Variants in KLHL9 observed in about 807,000 individuals in gnomAD.
KLHL9 encodes the protein kelch like family member 9.
Under a neutral mutation model 42.3 loss-of-function variants are expected in KLHL9, and 27 were observed. The observed-to-expected ratio is 0.64, with a 90% CI of 0.47 to 0.88. The LOEUF (loss-of-function observed/expected upper bound fraction) is 0.88, where lower values mean the gene tolerates loss of function less well. KLHL9 is among the 40% of genes least tolerant of loss of function. The probability of loss-of-function intolerance (pLI) is 0.00; values close to 1 mark genes in which losing one functional copy is unlikely to be tolerated. For missense variants in KLHL9, 629 were observed against 750.3 expected (o/e 0.84, Z 1.89); for synonymous variants, 274 against 254.4 (o/e 1.08, Z -0.73).
At position 21,329,667 on chromosome 9, in the gene KLHL9, G is replaced by C. The variant is rs553379479; in HGVS notation, c.*3339C>G. The stretch of plus-strand genomic sequence containing the variant: ...AAAATAAGAGAAAGTCATGATAATA[G>C]GAGTCTTTGGAAGGTGGATTTATTT... On this transcript the variant is annotated 3_prime_UTR_variant, in exon 1 of 1. Coordinates refer to ENST00000359039, the MANE Select transcript of KLHL9 (RefSeq NM_018847.4). 6.6e-6 allele frequency: 1 copy of C among 151,822 alleles called. No individual in the cohort carries two copies. Among genetic ancestry groups the C allele is most frequent in the South Asian group, 2.1e-4 (1 of 4,824 alleles). 9.4% of individuals were successfully genotyped at this position (151,822 alleles called of 1,614,324 possible). A position where few individuals can be genotyped will look rare whatever the true frequency, so the allele number is the denominator to read the frequency against.
chr9:21,335,318 AGGCCTG>A lies in KLHL9; in HGVS notation c.-465_-460del, dbSNP rs1820251943. On this transcript the variant is annotated 5_prime_UTR_variant, in exon 1 of 1. Transcript: ENST00000359039. ...GTCTTTGAGCAAGGGCCGGGAACAC[AGGCCTG>A]GGCCTGGGCTTGGGCCTAGAATACC... 2.3e-6 allele frequency: 1 copy of A among 433,190 alleles called. No individual in the cohort carries two copies. Among genetic ancestry groups the A allele is most frequent in the African/African-American group, 2.0e-5 (1 of 49,024 alleles). 26.8% of individuals were successfully genotyped at this position (433,190 alleles called of 1,614,324 possible). A position where few individuals can be genotyped will look rare whatever the true frequency, so the allele number is the denominator to read the frequency against.
In KLHL9 at chr9:21,331,833, A is replaced by G. The variant is rs1820176183; in HGVS notation, c.*1173T>C. The G allele has an allele frequency of 6.6e-6, 1 of 152,582 alleles. No homozygotes were observed. The highest frequency in any genetic ancestry group is 2.4e-5 in the African/African-American group (1 of 41,438). 9.5% of individuals were successfully genotyped at this position (152,582 alleles called of 1,614,324 possible). A position where few individuals can be genotyped will look rare whatever the true frequency, so the allele number is the denominator to read the frequency against. On this transcript the variant is annotated 3_prime_UTR_variant, in exon 1 of 1. Transcript: ENST00000359039. ...CTCACTTGATGCAGAAGAAAATGTT[A>G]TCTCCTGCTTGCTCAGATCATAGCC...
Position 21,332,405 on chromosome 9 carries a change from T to C in KLHL9, c.*601A>G, listed in dbSNP as rs1236057981. 6.5e-6 allele frequency: 1 copy of C among 154,352 alleles called. No individual in the cohort carries two copies. Among genetic ancestry groups the C allele is most frequent in the Admixed American group, 6.4e-5 (1 of 15,684 alleles). 9.6% of individuals were successfully genotyped at this position (154,352 alleles called of 1,614,324 possible). On this transcript the variant is annotated 3_prime_UTR_variant, in exon 1 of 1. Coordinates refer to ENST00000359039, the MANE Select transcript of KLHL9 (RefSeq NM_018847.4). ...ACATATGTATGTATGTGTGCATGCA[T>C]GTATGTTTGTATTATGTGTATTTTT...
At position 21,334,101 on chromosome 9, in the gene KLHL9, G is replaced by GT; in HGVS notation, c.758dup (p.Tyr253Ter). 6.2e-7 allele frequency: 1 copy of GT among 1,614,148 alleles called. No homozygotes were observed. Among genetic ancestry groups the GT allele is most frequent in the Non-Finnish European group, 8.5e-7 (1 of 1,179,992 alleles). The change falls in exon 1 of 1, where the codon TAC becomes TAAC. Residue 253 changes from tyrosine to a stop codon, truncating the protein, a stop_gained and frameshift_variant. Coordinates refer to ENST00000359039, the MANE Select transcript of KLHL9 (RefSeq NM_018847.4). LOFTEE classifies it high-confidence loss of function. This position sits in a 1 kb window ranked among gnomAD's most constrained non-coding sequence, Gnocchi z 5.1. The part of the protein sequence containing the change: ...PLMTPQDLIN[Y>*]VQTVDFMRTD... ...TTCTCATGAAATCTACTGTCTGCAC[G>GT]TAATTGATGAGATCCTGTGGTGTCA...
In KLHL9 at chr9:21,334,740, A is replaced by G; in HGVS notation, c.120T>C (p.Phe40=). ...GCAATCCTTCTATTCTAAGCTGATC[A>G]AAGCCTTGCAATACCACCGAACTGT... ...NTHSSVVLQG[F]DQLRIEGLLC... is the part of the protein sequence containing the mutation. The change falls in exon 1 of 1, where the codon TTT becomes TTC. Residue 40 remains phenylalanine, a synonymous_variant. Transcript: ENST00000359039. The surrounding 1 kb of genome is among the most constrained non-coding windows in gnomAD (Gnocchi z 5.1). 6.2e-7 allele frequency: 1 copy of G among 1,612,826 alleles called. No homozygotes were observed. Among genetic ancestry groups the G allele is most frequent in the Non-Finnish European group, 8.5e-7 (1 of 1,179,150 alleles).
rs1320526546 is a variant in KLHL9 at position 21,332,003 on chromosome 9, C to T, written c.*1003G>A. The T allele has an allele frequency of 1.3e-5, 2 of 152,324 alleles. No homozygotes were observed. The highest frequency in any genetic ancestry group is 4.8e-5 in the African/African-American group (2 of 41,404). 9.4% of individuals were successfully genotyped at this position (152,324 alleles called of 1,614,324 possible). On this transcript the variant is annotated 3_prime_UTR_variant, in exon 1 of 1. Coordinates refer to ENST00000359039, the MANE Select transcript of KLHL9 (RefSeq NM_018847.4). Reference sequence around the variant, plus strand: ...ATAGCTTTGTTCAGAATATTTTTTTCTTTGCTTTTTTCATTAAGTTTTACT... The same window carrying T: ...ATAGCTTTGTTCAGAATATTTTTTTTTTTGCTTTTTTCATTAAGTTTTACT...
Position 21,335,348 on chromosome 9 carries a change from C to A in KLHL9, c.-489G>T. On this transcript the variant is annotated 5_prime_UTR_variant, in exon 1 of 1. Coordinates refer to ENST00000359039, the MANE Select transcript of KLHL9 (RefSeq NM_018847.4). ...TGGGCCTGGGCTTGGGCCTAGAATA[C>A]CGGCCTAGCCCCAACACCGAGCCGC... is the stretch of plus-strand genomic sequence containing the variant. The A allele has an allele frequency of 1.2e-5, 5 of 419,904 alleles. No homozygotes were observed. The highest frequency in any genetic ancestry group is 1.7e-5 in the Non-Finnish European group (4 of 229,636). The allele number at this position is 419,904 out of a possible 1,614,324, so 26.0% of individuals were successfully genotyped here. A position where few individuals can be genotyped will look rare whatever the true frequency, so the allele number is the denominator to read the frequency against.
rs200657430 is a variant in KLHL9, at chr9:21,333,804, A to T, written c.1056T>A (p.Val352=). The stretch of plus-strand genomic sequence containing the variant: ...TTGTATCATAATTACTCTGACCACC[A>T]ACTACATAAAGAAAGTTTCCAATGA... ...IAVIGNFLYV[V]GGQSNYDTKG... The change falls in exon 1 of 1, where the codon GTT becomes GTA. Residue 352 remains valine, a synonymous_variant. Transcript: ENST00000359039. The surrounding 1 kb of genome is among the most constrained non-coding windows in gnomAD (Gnocchi z 7.5). The T allele has an allele frequency of 9.3e-6, 15 of 1,614,048 alleles. No homozygotes were observed. The highest frequency in any genetic ancestry group is 1.7e-5 in the Admixed American group (1 of 60,020).
In KLHL9 at chr9:21,335,396, C is replaced by T; in HGVS notation, c.-537G>A. The T allele has an allele frequency of 2.7e-6, 1 of 370,792 alleles. No homozygotes were observed. Among genetic ancestry groups the T allele is most frequent in the Non-Finnish European group, 5.0e-6 (1 of 199,406 alleles). 23.0% of individuals were successfully genotyped at this position (370,792 alleles called of 1,614,324 possible). Reference sequence around the variant, plus strand: ...CGCTCCTTCCGGAAAAGCCTAGTCCCAGGATACCACGGGGTGGGAGCGGCC... The same window carrying T: ...CGCTCCTTCCGGAAAAGCCTAGTCCTAGGATACCACGGGGTGGGAGCGGCC... On this transcript the variant is annotated 5_prime_UTR_variant, in exon 1 of 1. Coordinates refer to ENST00000359039, the MANE Select transcript of KLHL9 (RefSeq NM_018847.4).
rs995659198 is a variant in KLHL9 at position 21,335,373 on chromosome 9, C to T, written c.-514G>A. 4.8e-6 allele frequency: 2 copies of T among 412,648 alleles called. No individual in the cohort carries two copies. The highest frequency in any genetic ancestry group is 4.1e-5 in the African/African-American group (2 of 48,606). 25.6% of individuals were successfully genotyped at this position (412,648 alleles called of 1,614,324 possible). A position where few individuals can be genotyped will look rare whatever the true frequency, so the allele number is the denominator to read the frequency against. ...CCGGCCTAGCCCCAACACCGAGCCGCTCCTTCCGGAAAAGCCTAGTCCCAG... is the reference window on the plus strand; with the variant it reads ...CCGGCCTAGCCCCAACACCGAGCCGTTCCTTCCGGAAAAGCCTAGTCCCAG... On this transcript the variant is annotated 5_prime_UTR_variant, in exon 1 of 1. Coordinates refer to ENST00000359039, the MANE Select transcript of KLHL9 (RefSeq NM_018847.4).
Position 21,333,569 on chromosome 9 carries a change from T to A in KLHL9, c.1291A>T (p.Lys431Ter). The change falls in exon 1 of 1, where the codon AAA (lysine) becomes TAA (stop). Residue 431 changes from lysine (K) to a stop codon, truncating the protein, a stop_gained. Transcript: ENST00000359039. LOFTEE classifies it high-confidence loss of function. This position sits in a 1 kb window ranked among gnomAD's most constrained non-coding sequence, Gnocchi z 7.5. ...TGACCATAGTGGGGTTCACTCATTT[T>A]TGCAACATAGCTCCACTCATTCATT... is the stretch of plus-strand genomic sequence containing the variant. ...PRMNEWSYVA[K>*]MSEPHYGHAG... 6.2e-7 allele frequency: 1 copy of A among 1,614,224 alleles called. No homozygotes were observed. Among genetic ancestry groups the A allele is most frequent in the Non-Finnish European group, 8.5e-7 (1 of 1,180,052 alleles).
chr9:21,334,081 A>C lies in KLHL9; in HGVS notation c.779T>G (p.Met260Arg). Residue 260 changes from methionine (M) to arginine (R), a missense_variant, in exon 1 of 1, where the codon ATG becomes AGG. Coordinates refer to ENST00000359039, the MANE Select transcript of KLHL9 (RefSeq NM_018847.4). The surrounding 1 kb of genome is among the most constrained non-coding windows in gnomAD (Gnocchi z 5.1). ...ATTCACGCAGGTATTGTCTGTTCTC[A>C]TGAAATCTACTGTCTGCACGTAATT... ...LINYVQTVDF[M>R]RTDNTCVNLL... The C allele has an allele frequency of 6.2e-7, 1 of 1,614,162 alleles. No homozygotes were observed. The highest frequency in any genetic ancestry group is 8.5e-7 in the Non-Finnish European group (1 of 1,180,020).
rs1428515343 is a variant in KLHL9 at position 21,330,872 on chromosome 9, C to A, written c.*2134G>T. 1 of 151,412 alleles carries A rather than the reference C, an allele frequency of 6.6e-6. No individual in the cohort carries two copies. The highest frequency in any genetic ancestry group is 2.4e-5 in the African/African-American group (1 of 41,060). The allele number at this position is 151,412 out of a possible 1,614,324, so 9.4% of individuals were successfully genotyped here. On this transcript the variant is annotated 3_prime_UTR_variant, in exon 1 of 1. Coordinates refer to ENST00000359039, the MANE Select transcript of KLHL9 (RefSeq NM_018847.4). ...TGAGAGGCAGAGGTTTCAGTGAGCA[C>A]ACATCGTGCCATTGCACTCCAGACT...
chr9:21,329,719 C>G lies in KLHL9; in HGVS notation c.*3287G>C, dbSNP rs1214658660. Reference sequence around the variant, plus strand: ...CATTATCCAGCTTTTAGCCTAAGGTCTGGCATACTTGAAAAATATTTGACA... The same window carrying G: ...CATTATCCAGCTTTTAGCCTAAGGTGTGGCATACTTGAAAAATATTTGACA... On this transcript the variant is annotated 3_prime_UTR_variant, in exon 1 of 1. Transcript: ENST00000359039. 6.6e-6 allele frequency: 1 copy of G among 151,190 alleles called. No individual in the cohort carries two copies. The highest frequency in any genetic ancestry group is 1.5e-5 in the Non-Finnish European group (1 of 67,820). 9.4% of individuals were successfully genotyped at this position (151,190 alleles called of 1,614,324 possible).
chr9:21,332,761 TAAC>T lies in KLHL9; in HGVS notation c.*242_*244del. Reference sequence around the variant, plus strand: ...TACCACAGTCATCTACAATTTTATATAACATCACAAAAAGACATCTAAACATTT... The same window carrying T: ...TACCACAGTCATCTACAATTTTATATATCACAAAAAGACATCTAAACATTT... On this transcript the variant is annotated 3_prime_UTR_variant, in exon 1 of 1. Coordinates refer to ENST00000359039, the MANE Select transcript of KLHL9 (RefSeq NM_018847.4). 1 of 520,200 alleles carries T rather than the reference TAAC, an allele frequency of 1.9e-6. No individual in the cohort carries two copies. Among genetic ancestry groups the T allele is most frequent in the Non-Finnish European group, 3.3e-6 (1 of 307,528 alleles). 32.2% of individuals were successfully genotyped at this position (520,200 alleles called of 1,614,324 possible).
rs1820245121 is a variant in KLHL9 at position 21,335,038 on chromosome 9, A to G, written c.-179T>C. 1 of 771,470 alleles carries G rather than the reference A, an allele frequency of 1.3e-6. No individual in the cohort carries two copies. Among genetic ancestry groups the G allele is most frequent in the Admixed American group, 2.8e-5 (1 of 35,502 alleles). 47.8% of individuals were successfully genotyped at this position (771,470 alleles called of 1,614,324 possible). On this transcript the variant is annotated 5_prime_UTR_variant, in exon 1 of 1. Transcript: ENST00000359039. ...AGTCATCCACTGAAAATCACCCTGTAGCAGGACCACAAAGGGCTGTGGACC... is the reference window on the plus strand; with the variant it reads ...AGTCATCCACTGAAAATCACCCTGTGGCAGGACCACAAAGGGCTGTGGACC...
Position 21,335,349 on chromosome 9 carries a change from C to G in KLHL9, c.-490G>C. 1 of 419,740 alleles carries G rather than the reference C, an allele frequency of 2.4e-6. No homozygotes were observed. The highest frequency in any genetic ancestry group is 4.4e-6 in the Non-Finnish European group (1 of 229,608). 26.0% of individuals were successfully genotyped at this position (419,740 alleles called of 1,614,324 possible). ...GGGCCTGGGCTTGGGCCTAGAATAC[C>G]GGCCTAGCCCCAACACCGAGCCGCT... On this transcript the variant is annotated 5_prime_UTR_variant, in exon 1 of 1. Coordinates refer to ENST00000359039, the MANE Select transcript of KLHL9 (RefSeq NM_018847.4).
In KLHL9 at chr9:21,334,303, C is replaced by T. The variant is rs1198911847; in HGVS notation, c.557G>A (p.Ser186Asn). 2.5e-6 allele frequency: 4 copies of T among 1,614,054 alleles called. No homozygotes were observed. The highest frequency in any genetic ancestry group is 2.2e-5 in the East Asian group (1 of 44,888). The change falls in exon 1 of 1, where the codon AGT (serine) becomes AAT (asparagine). Residue 186 changes from serine (S) to asparagine (N), a missense_variant. Ser to Asn is a conservative substitution (Grantham distance 46). Around this residue, in one of 4 missense-constraint regions of KLHL9, gnomAD observed 351 missense variants for 363.1 expected, o/e 0.97. Coordinates refer to ENST00000359039, the MANE Select transcript of KLHL9 (RefSeq NM_018847.4). This position sits in a 1 kb window ranked among gnomAD's most constrained non-coding sequence, Gnocchi z 5.1. ...AGGGAGTTTTAGAAACTCCCCAGTA[C>T]TCAATAAAGCAGGAAAGTTCTTCAG... ...FILKNFPALL[S>N]TGEFLKLPFE...
In KLHL9 at chr9:21,335,194, T is replaced by C. The variant is rs1387565276; in HGVS notation, c.-335A>G. 2.0e-6 allele frequency: 1 copy of C among 505,772 alleles called. No individual in the cohort carries two copies. The allele number at this position is 505,772 out of a possible 1,614,324, so 31.3% of individuals were successfully genotyped here. ...GCAAGGAAGAGGCGCCGCCACGTAC[T>C]GTGGCTCCACGGCCCGCTCGGCGGC... On this transcript the variant is annotated 5_prime_UTR_variant, in exon 1 of 1. Transcript: ENST00000359039.
Sources: gnomAD v4.1 joint callset for allele counts on GRCh38, gnomAD v4.1.1 for gene constraint, gnomAD v4.1.1 regional missense constraint, Gnocchi (gnomAD v3.1) non-coding constraint, MANE v1.5 for transcripts, NCBI Gene and HGNC (gene_info 2026-07-23, HGNC 2026-07-21) for gene names.